The following SLC10A7 variants were observed in gnomAD, a reference collection of about 807,000 sequenced individuals.
SLC10A7 encodes the protein solute carrier family 10 member 7.
Under a neutral mutation model 43.2 loss-of-function variants are expected in SLC10A7, and 29 were observed. That is an observed-to-expected ratio of 0.67 (90% CI 0.50 to 0.92). The LOEUF is 0.92. Among genes scored for constraint, SLC10A7 ranks in the 40% least tolerant of loss-of-function variants. SLC10A7 has a pLI of 0.00. For missense variants in SLC10A7, 295 were observed against 403.2 expected (o/e 0.73, Z 2.30); for synonymous variants, 152 against 144.8 (o/e 1.05, Z -0.35).
chr4:146,365,696 C>T (rs567507559), intron 5 of SLC10A7, among the ~76,000 whole-genome samples: 3 of 152,304 alleles, frequency 2.0e-5, no homozygotes, highest in Admixed American at 1.3e-4. Context: ...AGCAATTTTA[C>T]TTAAATGAAG....
At chr4:146,372,829 G>A (rs1736890165) in intron 5 of SLC10A7, among the ~76,000 whole-genome samples, 1 of 152,100 alleles carries the variant, frequency 6.6e-6, no homozygotes, top group Admixed American at 6.6e-5. Flanking sequence ...GATTAAATAA[G>A]TTGTTTAGCC....
Position 146,392,387 on chromosome 4 carries a change from A to G in SLC10A7, c.435+50396T>C, listed in dbSNP as rs1250713220. 2.0e-5 allele frequency among the ~76,000 whole-genome samples: 3 copies of G among 152,170 alleles called. No individual in the cohort carries two copies. In the East Asian group the frequency reaches 5.8e-4, roughly 29 times the overall value. ...TGAGATTGAATGGTCAGAGGCAGAA[A>G]AGAGAGAAAAACACCTTGGCTGTCT... On this transcript the variant is annotated intron_variant, in intron 5 of 11. Coordinates refer to ENST00000335472, the MANE Select transcript of SLC10A7 (RefSeq NM_001029998.6).
intron 6 of SLC10A7, among the ~76,000 whole-genome samples, chr4:146,312,247 C>G (rs1367833480): frequency 1.3e-5 from 2 of 152,018 alleles, no homozygotes; most frequent in African/African-American, 4.8e-5. Flanking sequence ...CATGGCTTCA[C>G]TTTTCTTTTT....
chr4:146,388,814 C>T (rs1486688473), intron 5 of SLC10A7, among the ~76,000 whole-genome samples: 1 of 151,498 alleles, frequency 6.6e-6, no homozygotes, highest in Non-Finnish European at 1.5e-5. Flanking sequence ...AAGAAAAACT[C>T]TTCTGGACAT....
intron 5 of SLC10A7, among the ~76,000 whole-genome samples, chr4:146,428,879 A>G (rs1729568165): frequency 1.3e-5 from 2 of 152,156 alleles, no homozygotes; most frequent in Admixed American, 6.5e-5. Context: ...AGCTATTTAA[A>G]TATTTGTAGT....
chr4:146,474,774 T>C (rs763371891), intron 4 of SLC10A7, among the ~76,000 whole-genome samples: 5 of 152,090 alleles, frequency 3.3e-5, no homozygotes, highest in Non-Finnish European at 7.4e-5. Context: ...AAAATTTAAG[T>C]GAGAGTAAAT....
In SLC10A7 at chr4:146,510,067, A is replaced by G; in HGVS notation, c.184-18T>C. The G allele has an allele frequency of 6.3e-7, 1 of 1,587,438 alleles. No individual in the cohort carries two copies. The highest frequency in any genetic ancestry group is 8.5e-7 in the Non-Finnish European group (1 of 1,170,528). ...GTCAGCTCCTGGAAAAATTAAGGAA[A>G]CAAAATAAACAAAGGTAAGAAAACT... is the stretch of plus-strand genomic sequence containing the variant. On this transcript the variant is annotated intron_variant, in intron 2 of 11. Transcript: ENST00000335472.
At chr4:146,375,043 T>C (rs1239845756) in intron 5 of SLC10A7, among the ~76,000 whole-genome samples, 1 of 151,850 alleles carries the variant, frequency 6.6e-6, no homozygotes, top group African/African-American at 2.4e-5. Context: ...CTGTCTCTAC[T>C]AAAAAAACAA....
chr4:146,302,090 A>G (rs1267871392), intron 7 of SLC10A7, among the ~76,000 whole-genome samples: 2 of 152,316 alleles, frequency 1.3e-5, no homozygotes, highest in East Asian at 1.9e-4. Flanking sequence ...CTACATGCAG[A>G]TTTTTTGTCT....
At chr4:146,505,330 T>C (rs1010254088) in intron 3 of SLC10A7, among the ~76,000 whole-genome samples, 2 of 152,196 alleles carry the variant, frequency 1.3e-5, no homozygotes, top group Admixed American at 1.3e-4. Flanking sequence ...TTTCTTAATA[T>C]GTTTCTTTTC....
intron 10 of SLC10A7, among the ~76,000 whole-genome samples, chr4:146,263,292 C>T (rs1344836230): frequency 1.3e-5 from 2 of 152,218 alleles, no homozygotes; most frequent in South Asian, 2.1e-4. Flanking sequence ...ATTATCATTG[C>T]CTGCTTCTTG....
At position 146,343,766 on chromosome 4, in the gene SLC10A7, T is replaced by TA. The variant is rs199637529; in HGVS notation, c.436-17771dup. On this transcript the variant is annotated intron_variant, in intron 5 of 11. Coordinates refer to ENST00000335472, the MANE Select transcript of SLC10A7 (RefSeq NM_001029998.6). Reference sequence around the variant, plus strand: ...GATAGAAATATATGTTTAACATCAATAAAAAAAGGATAGAATTTATTCCCA... The same window carrying TA: ...GATAGAAATATATGTTTAACATCAATAAAAAAAAGGATAGAATTTATTCCCA... 1.6e-3 allele frequency among the ~76,000 whole-genome samples: 250 copies of TA among 151,950 alleles called. 8 individuals are homozygous for TA. In the East Asian group the frequency reaches 0.044, roughly 27 times the overall value.
At chr4:146,512,468 C>G (rs1737572250) in intron 2 of SLC10A7, among the ~76,000 whole-genome samples, 1 of 152,100 alleles carries the variant, frequency 6.6e-6, no homozygotes, top group Non-Finnish European at 1.5e-5. Flanking sequence ...TCTATTCGAG[C>G]AAAATCTGGA....
At chr4:146,355,247 T>C (rs1735487895) in intron 5 of SLC10A7, among the ~76,000 whole-genome samples, 1 of 152,078 alleles carries the variant, frequency 6.6e-6, no homozygotes, top group Admixed American at 6.5e-5. Flanking sequence ...CAGACACTTC[T>C]CAAAAGAAGA....
chr4:146,302,349 A>C (rs946013943), intron 7 of SLC10A7, among the ~76,000 whole-genome samples: 9 of 152,152 alleles, frequency 5.9e-5, no homozygotes, highest in African/African-American at 1.9e-4. Flanking sequence ...TCATTCTTTC[A>C]CTCACTCTTT....
chr4:146,260,678 AG>A (rs1376925121), intron 10 of SLC10A7, among the ~76,000 whole-genome samples: 1 of 152,226 alleles, frequency 6.6e-6, no homozygotes, highest in Non-Finnish European at 1.5e-5. Context: ...TCTTAGTGGT[AG>A]GCTCTAAACT....
chr4:146,296,240 G>A (rs1291699617), intron 7 of SLC10A7, among the ~76,000 whole-genome samples: 3 of 152,078 alleles, frequency 2.0e-5, no homozygotes, highest in Non-Finnish European at 4.4e-5. Context: ...GTATTATACT[G>A]TAGTAGGTTG....
At chr4:146,383,460 G>A (rs562182240) in intron 5 of SLC10A7, among the ~76,000 whole-genome samples, 1 of 152,264 alleles carries the variant, frequency 6.6e-6, no homozygotes, top group Non-Finnish European at 1.5e-5. Flanking sequence ...TTTGCATAGA[G>A]CATACACCAA....
intron 10 of SLC10A7, among the ~76,000 whole-genome samples, chr4:146,262,406 T>C: frequency 6.6e-6 from 1 of 152,186 alleles, no homozygotes; most frequent in South Asian, 2.1e-4. Context: ...ATCTCAATTG[T>C]TGAGAGAGGT....
Sources: allele counts gnomAD v4.1 joint callset (sites outside exome capture counted in the v4.1 genomes callset), GRCh38; gene constraint gnomAD v4.1.1; transcripts MANE v1.5; gene names NCBI Gene and HGNC (gene_info 2026-07-23, HGNC 2026-07-21).